MYO16: variants seen among roughly 807,000 people sequenced by gnomAD.
The protein encoded by MYO16 is unconventional myosin-XVI.
A neutral mutation model predicts 205.3 loss-of-function variants in MYO16; 94 were observed. The ratio of observed to expected loss-of-function variants is 0.46; its 90% confidence interval spans 0.39 to 0.54. The LOEUF (loss-of-function observed/expected upper bound fraction) is 0.54, where lower values mean the gene tolerates loss of function less well. Ranked by LOEUF, MYO16 falls within the 20% of genes least tolerant of loss-of-function variation. The pLI is 0.00. For missense variants in MYO16, 2,315 were observed against 2,387.5 expected, an observed-to-expected ratio of 0.97 and a Z score of 0.63; for synonymous variants, 988 against 954.0, an observed-to-expected ratio of 1.04 and a Z score of -0.66.
At chr13:108,807,669 T>C (rs911228028) in intron 7 of MYO16, among the ~76,000 whole-genome samples, 17 of 152,350 alleles carry the variant, frequency 1.1e-4, no homozygotes, top group South Asian at 4.1e-4. Context: ...TATTCCATCA[T>C]GATGCTTTTA....
At chr13:108,688,762 A>G (rs1882780505) in intron 2 of MYO16, among the ~76,000 whole-genome samples, 1 of 152,210 alleles carries the variant, frequency 6.6e-6, no homozygotes, top group African/African-American at 2.4e-5. Context: ...GTATAAATTT[A>G]TTAAAGTGCT....
intron 1 of MYO16, among the ~76,000 whole-genome samples, chr13:108,651,087 C>A (rs1473225718): frequency 6.6e-6 from 1 of 152,194 alleles, no homozygotes; most frequent in Non-Finnish European, 1.5e-5. Flanking sequence ...AGATTTGGCA[C>A]TGTGCAGTTG....
At chr13:109,106,771 C>T in intron 28 of MYO16, among the ~76,000 whole-genome samples, 1 of 152,148 alleles carries the variant, frequency 6.6e-6, no homozygotes, top group Non-Finnish European at 1.5e-5. Flanking sequence ...TGGCTCTGTG[C>T]AGAAAGGCTT....
chr13:108,955,760 G>A (rs112970226), intron 16 of MYO16, among the ~76,000 whole-genome samples: 2 of 152,148 alleles, frequency 1.3e-5, no homozygotes, highest in African/African-American at 2.4e-5. Flanking sequence ...CTGAGGCAGC[G>A]GAATTGCTTG....
rs1457033382 is a variant in MYO16, at chr13:109,023,971, T to A, written c.2796+4060T>A. Among the ~76,000 whole-genome samples the A allele has an allele frequency of 6.8e-5, 9 of 131,968 alleles. No individual in the cohort carries two copies. The East Asian group carries it at 2.1e-3, about 30-fold the overall frequency. 86.6% of individuals were successfully genotyped at this position (131,968 alleles called of 152,430 possible). A position where few individuals can be genotyped will look rare whatever the true frequency, so the allele number is the denominator to read the frequency against. ...TGTATATAAATATATACTATATATT[T>A]CTATATGTATATATTTCTATATGTA... On this transcript the variant is annotated intron_variant, in intron 23 of 34. Transcript: ENST00000457511.
chr13:108,570,523 T>G, the MYO16 span, among the ~76,000 whole-genome samples: 13 of 152,332 alleles, frequency 8.5e-5, no homozygotes, highest in African/African-American at 3.1e-4. Flanking sequence ...GTGCTGAAAT[T>G]ATAGATGTAA....
intron 27 of MYO16, among the ~76,000 whole-genome samples, chr13:109,091,971 C>T (rs911929108): frequency 6.6e-5 from 10 of 152,148 alleles, no homozygotes; most frequent in Non-Finnish European, 1.5e-4. Flanking sequence ...TTATATTTGA[C>T]CATGTGCGGT....
intron 4 of MYO16, among the ~76,000 whole-genome samples, chr13:108,752,790 T>C (rs1281655556): frequency 7.2e-6 from 1 of 139,762 alleles, no homozygotes; most frequent in Admixed American, 7.4e-5. Context: ...TACAGACACC[T>C]GCCACCGTGC....
rs191973492 is a variant in MYO16, at chr13:109,052,881, T to C, written c.3048+406T>C. On this transcript the variant is annotated intron_variant, in intron 25 of 34. Transcript: ENST00000457511. ...AAATGATAAATTGTTGTTTCTCTTA[T>C]AGACGTAGGGTGTTGTTCAGGTGCT... Among the ~76,000 whole-genome samples the C allele has an allele frequency of 2.7e-4, 41 of 152,316 alleles. No homozygotes were observed. In the Middle Eastern group the frequency reaches 0.014, roughly 51 times the overall value.
At chr13:109,199,462 T>C (rs1342627679) in intron 34 of MYO16, among the ~76,000 whole-genome samples, 2 of 151,872 alleles carry the variant, frequency 1.3e-5, no homozygotes, top group Non-Finnish European at 2.9e-5. Flanking sequence ...AAGATAATGA[T>C]TCTGTGTACA....
intron 16 of MYO16, among the ~76,000 whole-genome samples, chr13:108,914,984 A>G (rs1175733302): frequency 6.6e-6 from 1 of 152,242 alleles, no homozygotes; most frequent in East Asian, 1.9e-4. Flanking sequence ...AGTGCTGTTT[A>G]GCTTTGACTC....
upstream of MYO16, among the ~76,000 whole-genome samples, chr13:108,593,040 G>A (rs376753490): frequency 6.6e-6 from 1 of 152,142 alleles, no homozygotes; most frequent in Non-Finnish European, 1.5e-5. Flanking sequence ...GCAGGTGGAA[G>A]CACCTCGCTG....
intron 20 of MYO16, among the ~76,000 whole-genome samples, chr13:108,984,189 A>G (rs1337502528): frequency 3.3e-5 from 5 of 152,170 alleles, no homozygotes; most frequent in Non-Finnish European, 4.4e-5. Context: ...CTAAAAATGC[A>G]TCCAATTCCA....
chr13:108,603,252 T>A (rs1252320607), intron 1 of MYO16, among the ~76,000 whole-genome samples: 1 of 152,154 alleles, frequency 6.6e-6, no homozygotes, highest in Non-Finnish European at 1.5e-5. Flanking sequence ...ATCCTGGACA[T>A]GTTTACATCA....
chr13:109,175,088 C>G (rs1879109364), intron 33 of MYO16, among the ~76,000 whole-genome samples: 1 of 152,142 alleles, frequency 6.6e-6, no homozygotes, highest in African/African-American at 2.4e-5. Flanking sequence ...CATGAACCCA[C>G]TACGCTCTGC....
chr13:108,607,645 A>G (rs894994207), intron 1 of MYO16, among the ~76,000 whole-genome samples: 2 of 152,176 alleles, frequency 1.3e-5, no homozygotes, highest in African/African-American at 4.8e-5. Flanking sequence ...GCAGCAGGAA[A>G]ATAAACTAAT....
intron 32 of MYO16, among the ~76,000 whole-genome samples, chr13:109,157,042 G>A (rs866955157): frequency 2.0e-5 from 3 of 151,928 alleles, no homozygotes; most frequent in South Asian, 2.1e-4. Flanking sequence ...CTTCAGGTGG[G>A]AGCTGCTGCT....
chr13:109,074,751 G>GAACAAA (rs1235770923), intron 27 of MYO16, among the ~76,000 whole-genome samples: 3 of 152,042 alleles, frequency 2.0e-5, no homozygotes, highest in Non-Finnish European at 4.4e-5. Flanking sequence ...CAGCATGGGG[G>GAACAAA]AACTGCTACA....
At chr13:109,146,855 A>G (rs1397764333) in intron 32 of MYO16, among the ~76,000 whole-genome samples, 4 of 151,924 alleles carry the variant, frequency 2.6e-5, no homozygotes, top group African/African-American at 7.2e-5. Flanking sequence ...GAAAGAAAAA[A>G]AGAAAGAGAA....
Sources: allele counts gnomAD v4.1 joint callset (sites outside exome capture counted in the v4.1 genomes callset), GRCh38; gene constraint gnomAD v4.1.1; transcripts MANE v1.5; gene names NCBI Gene and HGNC (gene_info 2026-07-23, HGNC 2026-07-21).